Variants in CDH13 observed in about 807,000 individuals in gnomAD.
The protein encoded by CDH13 is cadherin-13.
Under a neutral mutation model 63.8 loss-of-function variants are expected in CDH13, and 24 were observed. The observed-to-expected ratio is 0.38, with a 90% CI of 0.27 to 0.53. CDH13 has a LOEUF of 0.53. Ranked by LOEUF, CDH13 falls within the 20% of genes least tolerant of loss-of-function variation. The probability of loss-of-function intolerance (pLI) is 0.85; values close to 1 mark genes in which losing one functional copy is unlikely to be tolerated. For synonymous variants in CDH13, 503 were observed against 355.3 expected, an observed-to-expected ratio of 1.42 and a Z score of -4.67; for missense variants, 1,049 against 903.1, an observed-to-expected ratio of 1.16 and a Z score of -2.07.
chr16:83,716,781 C>G (rs1190990509), intron 10 of CDH13, among the ~76,000 whole-genome samples: 2 of 152,232 alleles, frequency 1.3e-5, no homozygotes, highest in Admixed American at 1.3e-4. Flanking sequence ...CGCACCCGCC[C>G]TGGCCTCTTT....
At chr16:83,666,413 T>G (rs553764260) in intron 8 of CDH13, among the ~76,000 whole-genome samples, 1 of 152,344 alleles carries the variant, frequency 6.6e-6, no homozygotes, top group South Asian at 2.1e-4. Context: ...CTATAATAAT[T>G]GTGTTGAATG....
intron 1 of CDH13, among the ~76,000 whole-genome samples, chr16:82,664,804 C>T (rs536410739): frequency 7.2e-4 from 110 of 152,200 alleles, no homozygotes; most frequent in African/African-American, 2.5e-3. Flanking sequence ...ACAACATCAA[C>T]GTAACTTGTA....
chr16:83,269,647 A>G (rs960027343), intron 5 of CDH13, among the ~76,000 whole-genome samples: 30 of 152,146 alleles, frequency 2.0e-4, no homozygotes, highest in African/African-American at 6.8e-4. Context: ...GTAGTTGTGG[A>G]TTAGGTCCTA....
intron 4 of CDH13, among the ~76,000 whole-genome samples, chr16:83,195,805 A>T (rs59514955): frequency 0.011 from 1,608 of 152,320 alleles, 30 homozygotes; most frequent in African/African-American, 0.037. Flanking sequence ...CAACCCAGAG[A>T]TACAGCCACA....
chr16:83,505,430 C>A (rs2074373306), intron 7 of CDH13, among the ~76,000 whole-genome samples: 1 of 151,616 alleles, frequency 6.6e-6, no homozygotes, highest in African/African-American at 2.4e-5. Flanking sequence ...ATAATGAATT[C>A]ATGGGAAACA....
chr16:83,257,488 C>T (rs1448277415), intron 5 of CDH13, among the ~76,000 whole-genome samples: 1 of 152,098 alleles, frequency 6.6e-6, no homozygotes, highest in African/African-American at 2.4e-5. Context: ...ATGGTAGGTC[C>T]ATGATGTAGA....
chr16:83,136,937 C>T (rs529183317), intron 4 of CDH13, among the ~76,000 whole-genome samples: 10 of 152,284 alleles, frequency 6.6e-5, no homozygotes, highest in African/African-American at 2.4e-4. Flanking sequence ...TCTCCCACAG[C>T]GGCCAGTTTC....
At chr16:82,701,083 C>T (rs1367231066) in intron 1 of CDH13, among the ~76,000 whole-genome samples, 1 of 151,230 alleles carries the variant, frequency 6.6e-6, no homozygotes, top group East Asian at 2.0e-4. Flanking sequence ...GTTTTTTTCT[C>T]TCATTGCAGC....
chr16:83,511,094 A>ATGCACATG (rs1555564262), intron 7 of CDH13, among the ~76,000 whole-genome samples: 9 of 151,222 alleles, frequency 6.0e-5, no homozygotes, highest in African/African-American at 1.5e-4. Flanking sequence ...GCACACACAC[A>ATGCACATG]TGCACACATG....
At chr16:83,673,202 A>G (rs1487543722) in intron 9 of CDH13, among the ~76,000 whole-genome samples, 1 of 152,142 alleles carries the variant, frequency 6.6e-6, no homozygotes, top group Non-Finnish European at 1.5e-5. Context: ...ACACAATAAA[A>G]CCTAATCCAT....
chr16:83,634,154 T>C (rs1339354823), intron 8 of CDH13, among the ~76,000 whole-genome samples: 1 of 149,416 alleles, frequency 6.7e-6, no homozygotes, highest in Non-Finnish European at 1.5e-5. Context: ...TGTGTGTGTG[T>C]GTGTGTGGTC....
chr16:83,705,565 T>C (rs965334772), intron 10 of CDH13, among the ~76,000 whole-genome samples: 1 of 152,016 alleles, frequency 6.6e-6, no homozygotes, highest in African/African-American at 2.4e-5. Context: ...GAGCTTGCAG[T>C]GAGCCGAGAT....
chr16:83,562,463 G>A (rs540036330), intron 7 of CDH13, among the ~76,000 whole-genome samples: 1 of 152,174 alleles, frequency 6.6e-6, no homozygotes, highest in South Asian at 2.1e-4. Context: ...GTTACATTTG[G>A]ATTCTATGTA....
At chr16:82,780,404 A>T (rs1039231989) in intron 1 of CDH13, among the ~76,000 whole-genome samples, 1 of 152,196 alleles carries the variant, frequency 6.6e-6, no homozygotes, top group Non-Finnish European at 1.5e-5. Context: ...GGATGTAAAT[A>T]TTCAGTCATG....
At chr16:83,532,058 G>A (rs2075095083) in intron 7 of CDH13, among the ~76,000 whole-genome samples, 1 of 152,160 alleles carries the variant, frequency 6.6e-6, no homozygotes, top group Non-Finnish European at 1.5e-5. Context: ...GAAGTCTCAT[G>A]AGATCTGATG....
Position 82,810,827 on chromosome 16 carries a change from C to T in CDH13, c.46-47535C>T, listed in dbSNP as rs1436302389. Among the ~76,000 whole-genome samples the T allele has an allele frequency of 5.3e-5, 8 of 152,024 alleles. No homozygotes were observed. In the East Asian group the frequency reaches 5.8e-4, roughly 11 times the overall value. ...GTGATGGGAAGGATTTTGCTTTCAT[C>T]CTAAGAAGAGTGAGAAGCCATTAAT... On this transcript the variant is annotated intron_variant, in intron 1 of 13. Transcript: ENST00000567109.
At chr16:83,346,909 A>C (rs1464242330) in intron 6 of CDH13, among the ~76,000 whole-genome samples, 5 of 152,212 alleles carry the variant, frequency 3.3e-5, no homozygotes, top group Non-Finnish European at 7.3e-5. Context: ...ATATCTATTT[A>C]TGATTGGTAT....
chr16:82,654,485 A>G (rs1597229801), intron 1 of CDH13, among the ~76,000 whole-genome samples: 1 of 152,350 alleles, frequency 6.6e-6, no homozygotes, highest in East Asian at 1.9e-4. Flanking sequence ...GAAGATTTAG[A>G]TAAAGGCTGT....
chr16:83,711,175 G>A (rs1278019329), intron 10 of CDH13, among the ~76,000 whole-genome samples: 1 of 152,198 alleles, frequency 6.6e-6, no homozygotes, highest in African/African-American at 2.4e-5. Flanking sequence ...CAGATGCAGG[G>A]AGATTTTGAA....
Sources: gnomAD v4.1 joint callset for allele counts (sites outside exome capture counted in the v4.1 genomes callset) on GRCh38, gnomAD v4.1.1 for gene constraint, MANE v1.5 for transcripts, NCBI Gene and HGNC (gene_info 2026-07-23, HGNC 2026-07-21) for gene names.